Variants in MYBPC1 observed in about 807,000 individuals in gnomAD.
MYBPC1 encodes myosin-binding protein C, slow-type.
MYBPC1 carries 52 observed loss-of-function variants against 147.1 expected under a neutral mutation model. The ratio of observed to expected loss-of-function variants is 0.35; its 90% CI spans 0.28 to 0.45. The LOEUF is 0.45. Among genes scored for constraint, MYBPC1 ranks in the 20% least tolerant of loss-of-function variants. The pLI is 1.00. For missense variants in MYBPC1, 1,228 were observed against 1,440.3 expected (o/e 0.85, Z 2.39); for synonymous variants, 477 against 475.9 (o/e 1.00, Z -0.03).
At chr12:101,601,574 T>A (rs1879982398) in intron 1 of MYBPC1, among the ~76,000 whole-genome samples, 1 of 152,250 alleles carries the variant, frequency 6.6e-6, no homozygotes, top group African/African-American at 2.4e-5. Flanking sequence ...AATCTGACTT[T>A]CATTATGCCT....
chr12:101,652,845 A>G, intron 17 of MYBPC1, 61 bp downstream of exon 17: 6 of 1,389,908 alleles, frequency 4.3e-6, no homozygotes, highest in South Asian at 2.3e-5. Context: ...TTTGCTTACC[A>G]TGGAATTATA....
At chr12:101,694,553 G>C in the MYBPC1 span, among the ~76,000 whole-genome samples, 1 of 152,320 alleles carries the variant, frequency 6.6e-6, no homozygotes, top group South Asian at 2.1e-4. Flanking sequence ...GGAGACACCA[G>C]AGAGCTTCCT....
intron 24 of MYBPC1, among the ~76,000 whole-genome samples, chr12:101,672,961 T>C (rs1041001703): frequency 8.5e-5 from 13 of 152,216 alleles, no homozygotes; most frequent in Non-Finnish European, 1.5e-4. Flanking sequence ...ATTATTCCCG[T>C]TGAGGCACAG....
intron 5 of MYBPC1, 196 bp downstream of exon 5, chr12:101,628,000 TCA>T (rs1364776215): frequency 3.3e-6 from 2 of 614,572 alleles, no homozygotes; most frequent in East Asian, 3.1e-5. Context: ...ACACACGCAT[TCA>T]AGGATCTAGC....
intron 24 of MYBPC1, among the ~76,000 whole-genome samples, chr12:101,672,157 C>T (rs1898876469): frequency 6.6e-6 from 1 of 152,184 alleles, no homozygotes; most frequent in African/African-American, 2.4e-5. Flanking sequence ...AGGAAATAAG[C>T]TTGAACTGTT....
chr12:101,659,998 T>C, intron 19 of MYBPC1, 167 bp downstream of exon 19: 3 of 895,214 alleles, frequency 3.4e-6, no homozygotes, highest in Non-Finnish European at 5.2e-6. Context: ...AGAGCTAAGG[T>C]CAGCCATTTG....
In MYBPC1 at chr12:101,614,478, G is replaced by T. The variant is rs568127347; in HGVS notation, c.26-18G>T. Reference sequence around the variant, plus strand: ...TGATAAATGAGCCTGACATTTCCATGACTCTTTCCATTTCTAGAAAATGAA... The same window carrying T: ...TGATAAATGAGCCTGACATTTCCATTACTCTTTCCATTTCTAGAAAATGAA... On this transcript the variant is annotated intron_variant, in intron 1 of 31. Transcript: ENST00000361466. The T allele has an allele frequency of 1.9e-6, 3 of 1,613,760 alleles. No homozygotes were observed. Among genetic ancestry groups the T allele is most frequent in the South Asian group, 2.2e-5 (2 of 91,024 alleles).
chr12:101,638,155 C>A (rs1009494176), intron 10 of MYBPC1, among the ~76,000 whole-genome samples: 1 of 152,156 alleles, frequency 6.6e-6, no homozygotes, highest in South Asian at 2.1e-4. Flanking sequence ...TGGAAGCTGG[C>A]GCTTCAGTTT....
chr12:101,614,461 G>A, intron 1 of MYBPC1, 35 bp from the exon 2 acceptor site: 3 of 1,613,208 alleles, frequency 1.9e-6, no homozygotes, highest in South Asian at 1.1e-5. Context: ...TGTGATAAAT[G>A]AGCCTGACAT....
chr12:101,607,523 T>C (rs570254560), intron 1 of MYBPC1, among the ~76,000 whole-genome samples: 19 of 146,830 alleles, frequency 1.3e-4, no homozygotes, highest in African/African-American at 5.0e-4. Context: ...CTAAAGAATA[T>C]TTTTATTTTT....
At chr12:101,684,008 T>C (rs2136947883) in intron 30 of MYBPC1, among the ~76,000 whole-genome samples, 1 of 152,294 alleles carries the variant, frequency 6.6e-6, no homozygotes, top group Middle Eastern at 3.4e-3. Flanking sequence ...GTCTATGTTT[T>C]TCTTTTGTTG....
At chr12:101,632,235 A>G (rs1376432977) in intron 8 of MYBPC1, 97 bp downstream of exon 8, 6 of 910,862 alleles carry the variant, frequency 6.6e-6, no homozygotes, top group African/African-American at 3.3e-5. Context: ...GATTTCAGAG[A>G]AAGTTTTCCT....
intron 10 of MYBPC1, among the ~76,000 whole-genome samples, chr12:101,639,591 G>A (rs1891635745): frequency 6.6e-6 from 1 of 152,172 alleles, no homozygotes; most frequent in African/African-American, 2.4e-5. Flanking sequence ...TGATAAGAGT[G>A]GAGAGTATCT....
chr12:101,604,526 C>T lies in MYBPC1; in HGVS notation c.25+9431C>T, dbSNP rs79346946. On this transcript the variant is annotated intron_variant, in intron 1 of 31. Transcript: ENST00000361466. ...GCTAAAGGTTAATTTTGTTATATAACCTCAGAGCCTTATTTTTTCCACCAG... is the reference window on the plus strand; with the variant it reads ...GCTAAAGGTTAATTTTGTTATATAATCTCAGAGCCTTATTTTTTCCACCAG... Among the ~76,000 whole-genome samples, 924 of 152,206 alleles carry T rather than the reference C, an allele frequency of 6.1e-3. 22 individuals are homozygous for T. The highest frequency in any genetic ancestry group is 0.021 in the African/African-American group (878 of 41,524).
intron 18 of MYBPC1, among the ~76,000 whole-genome samples, chr12:101,653,675 T>C (rs1477168501): frequency 7.9e-5 from 12 of 152,094 alleles, no homozygotes; most frequent in Non-Finnish European, 1.5e-5. Flanking sequence ...GAACCCATTA[T>C]GTGAAGATCA....
chr12:101,679,126 G>A (rs1950760374), intron 28 of MYBPC1, among the ~76,000 whole-genome samples: 1 of 149,406 alleles, frequency 6.7e-6, no homozygotes, highest in African/African-American at 2.5e-5. Context: ...TCTAGTCTGG[G>A]TAACAGAAGA....
At chr12:101,642,970 A>G (rs1318420601) in intron 11 of MYBPC1, among the ~76,000 whole-genome samples, 2 of 152,296 alleles carry the variant, frequency 1.3e-5, no homozygotes, top group South Asian at 2.1e-4. Context: ...CTCACACCCA[A>G]TATGGTTAGC....
At chr12:101,629,800 G>A (rs774288065) in intron 6 of MYBPC1, among the ~76,000 whole-genome samples, 2 of 151,876 alleles carry the variant, frequency 1.3e-5, no homozygotes. Context: ...TTGAACCCAC[G>A]AGGCGGAGGT....
chr12:101,614,768 CTTATGAAACCTTTCAAA>C (rs1885439013), intron 2 of MYBPC1: 4 of 576,138 alleles, frequency 6.9e-6, no homozygotes, highest in Non-Finnish European at 1.2e-5. Context: ...GGGGACAATT[CTTATGAAACCTTTCAAA>C]TTATGTAAAA....
Sources: allele counts gnomAD v4.1 joint callset (sites outside exome capture counted in the v4.1 genomes callset), GRCh38; gene constraint gnomAD v4.1.1; transcripts MANE v1.5; gene names NCBI Gene and HGNC (gene_info 2026-07-23, HGNC 2026-07-21).